ZFHX3: variants seen among roughly 807,000 people sequenced by gnomAD.
ZFHX3 encodes zinc finger homeobox 3, also known as zinc finger homeobox protein 3.
In ZFHX3, 42 loss-of-function variants were observed where a neutral mutation model predicts 279.1. The observed-to-expected ratio is 0.15, with a 90% CI of 0.12 to 0.19. The LOEUF is 0.19. Among genes scored for constraint, ZFHX3 ranks in the 10% least tolerant of loss-of-function variants. ZFHX3 has a pLI of 1.00. For missense variants in ZFHX3, 4,981 were observed against 4,754.0 expected, an observed-to-expected ratio of 1.05 and a Z score of -1.40; for synonymous variants, 2,293 against 1,957.8, an observed-to-expected ratio of 1.17 and a Z score of -4.52.
At position 72,950,620 on chromosome 16, in the gene ZFHX3, C is replaced by T. The variant is rs1316592717; in HGVS notation, c.3065G>A (p.Gly1022Asp). Reference protein sequence around the residue: ...YQLVAHIKEGGKANEWRLKCV... With the variant: ...YQLVAHIKEGDKANEWRLKCV... ...CTTGAGCCTCCACTCGTTGGCCTTGCCGCCCTCCTTGATGTGGGCCACCAG... is the reference window on the plus strand; with the variant it reads ...CTTGAGCCTCCACTCGTTGGCCTTGTCGCCCTCCTTGATGTGGGCCACCAG... The change falls in exon 3 of 10, where the codon GGC becomes GAC. Residue 1022 changes from glycine to aspartate, a missense_variant. Physicochemically the swap from Gly to Asp is moderately conservative, Grantham distance 94. Around this residue, in one of 7 missense-constraint regions of ZFHX3, gnomAD observed 1,751 missense variants for 1,770.0 expected, o/e 0.99. Coordinates refer to ENST00000268489, the MANE Select transcript of ZFHX3 (RefSeq NM_006885.4). The T allele has an allele frequency of 4.3e-6, 7 of 1,614,100 alleles. No homozygotes were observed. The South Asian group carries it at 6.6e-5, about 15-fold the overall frequency.
chr16:73,197,173 C>T (rs1968168438), intron 5 of ZFHX3, among the ~76,000 whole-genome samples: 1 of 152,176 alleles, frequency 6.6e-6, no homozygotes, highest in African/African-American at 2.4e-5. Context: ...TGAGTCTTGA[C>T]ACTGTTGTTT....
intron 1 of ZFHX3, among the ~76,000 whole-genome samples, chr16:73,709,484 T>C (rs1314050465): frequency 6.6e-6 from 1 of 152,032 alleles, no homozygotes; most frequent in Non-Finnish European, 1.5e-5. Flanking sequence ...TGCAACAACG[T>C]GGATGAACCT....
At chr16:73,097,998 T>C (rs1966186594) in intron 7 of ZFHX3, among the ~76,000 whole-genome samples, 1 of 152,114 alleles carries the variant, frequency 6.6e-6, no homozygotes. Flanking sequence ...GCTTGGGTTG[T>C]TAGTCTCTTT....
intron 4 of ZFHX3, among the ~76,000 whole-genome samples, chr16:72,862,791 T>C (rs1363388990): frequency 6.6e-6 from 1 of 151,906 alleles, no homozygotes; most frequent in Non-Finnish European, 1.5e-5. Flanking sequence ...GCAGGGATCC[T>C]ACAAGATACA....
upstream of ZFHX3, among the ~76,000 whole-genome samples, chr16:73,052,541 C>G (rs1188717657): frequency 2.6e-5 from 4 of 152,016 alleles, no homozygotes; most frequent in African/African-American, 9.7e-5. Flanking sequence ...TTCAGAGCCC[C>G]CGAGCTGAAA....
At chr16:73,753,018 G>A in intron 1 of ZFHX3, among the ~76,000 whole-genome samples, 1 of 152,146 alleles carries the variant, frequency 6.6e-6, no homozygotes, top group East Asian at 1.9e-4. Flanking sequence ...TGGGTCATTT[G>A]TGGACCTGTG....
intron 1 of ZFHX3, among the ~76,000 whole-genome samples, chr16:73,041,435 C>A (rs1965111060): frequency 8.0e-6 from 1 of 125,710 alleles, no homozygotes; most frequent in Non-Finnish European, 1.7e-5. Context: ...CTACTACCGT[C>A]ATTTCTGCCA....
chr16:73,011,021 G>A (rs780549193), intron 1 of ZFHX3, among the ~76,000 whole-genome samples: 19 of 152,040 alleles, frequency 1.2e-4, no homozygotes, highest in Non-Finnish European at 2.6e-4. Flanking sequence ...TTGTCATCCA[G>A]GCTGGACTGG....
At chr16:73,818,396 A>G (rs1211380870) in intron 1 of ZFHX3, among the ~76,000 whole-genome samples, 1 of 152,188 alleles carries the variant, frequency 6.6e-6, no homozygotes. Flanking sequence ...CCCCAATACC[A>G]TGGAGATGGA....
chr16:73,647,024 CT>C (rs36121781), intron 2 of ZFHX3, among the ~76,000 whole-genome samples: 37 of 133,970 alleles, frequency 2.8e-4, no homozygotes, highest in African/African-American at 8.1e-4. Context: ...TTTTTTTTTT[CT>C]TTTTTTTTTT....
chr16:73,393,872 T>C (rs1428202630), intron 3 of ZFHX3, among the ~76,000 whole-genome samples: 1 of 148,834 alleles, frequency 6.7e-6, no homozygotes, highest in Non-Finnish European at 1.5e-5. Flanking sequence ...TCCTATTATA[T>C]ATATATATAT....
rs79433834 is a variant in ZFHX3 at position 73,352,472 on chromosome 16, C to T, written c.-1290-34136G>A. Among the ~76,000 whole-genome samples the T allele has an allele frequency of 4.0e-3, 404 of 100,582 alleles. 2 individuals are homozygous for T. Among genetic ancestry groups the T allele is most frequent in the African/African-American group, 0.02 (384 of 19,654 alleles). 66.0% of individuals were successfully genotyped at this position (100,582 alleles called of 152,430 possible). ...GCCTTTGGTTTCTCTCTCTCTCTCT[C>T]TCTTTTTTTTTTTTTTTTTTTTTTT... On this transcript the variant is annotated intron_variant, in intron 3 of 17. Transcript: ENST00000641206.
chr16:73,409,898 G>C, intron 3 of ZFHX3, among the ~76,000 whole-genome samples: 1 of 151,112 alleles, frequency 6.6e-6, no homozygotes, highest in East Asian at 2.0e-4. Context: ...ACTTGTGGGA[G>C]CTAAAAATGA....
intron 1 of ZFHX3, among the ~76,000 whole-genome samples, chr16:73,789,633 T>C (rs1325503471): frequency 1.3e-5 from 2 of 152,184 alleles, no homozygotes; most frequent in African/African-American, 2.4e-5. Context: ...CAAAATCAGA[T>C]CCTATGTGTG....
At chr16:73,797,073 C>A (rs1186660174) in intron 1 of ZFHX3, among the ~76,000 whole-genome samples, 1 of 151,714 alleles carries the variant, frequency 6.6e-6, no homozygotes, top group Non-Finnish European at 1.5e-5. Flanking sequence ...CAGGGTGGCA[C>A]ATGCCTGTAA....
intron 5 of ZFHX3, among the ~76,000 whole-genome samples, chr16:73,152,978 G>C (rs922075252): frequency 3.3e-5 from 5 of 152,236 alleles, no homozygotes; most frequent in Admixed American, 1.3e-4. Flanking sequence ...GCTGTGAAGG[G>C]GGAGGGGTGT....
chr16:72,865,587 G>A (rs895336707), intron 4 of ZFHX3, among the ~76,000 whole-genome samples: 3 of 152,208 alleles, frequency 2.0e-5, no homozygotes, highest in African/African-American at 7.2e-5. Context: ...AGGCTATAGG[G>A]ACAGGTATAG....
chr16:73,563,170 T>TTGTG (rs200933190), intron 2 of ZFHX3, among the ~76,000 whole-genome samples: 1,520 of 134,852 alleles, frequency 0.011, 17 homozygotes, highest in East Asian at 0.031. Context: ...TTTTGTTTTG[T>TTGTG]TGTGTGTGTG....
intron 4 of ZFHX3, among the ~76,000 whole-genome samples, chr16:72,873,696 G>C (rs1194503979): frequency 2.0e-5 from 3 of 152,134 alleles, no homozygotes; most frequent in African/African-American, 7.2e-5. Context: ...TGAAAACAGA[G>C]AAAGTATGAA....
Sources: gnomAD v4.1 joint callset for allele counts (sites outside exome capture counted in the v4.1 genomes callset) on GRCh38, gnomAD v4.1.1 for gene constraint, gnomAD v4.1.1 regional missense constraint, MANE v1.5 for transcripts, NCBI Gene and HGNC (gene_info 2026-07-23, HGNC 2026-07-21) for gene names.